COL23A1: variants seen among roughly 807,000 people sequenced by gnomAD.
COL23A1 encodes the protein collagen alpha-1(XXIII) chain.
Under a neutral mutation model 99.3 loss-of-function variants are expected in COL23A1, and 97 were observed. That is an observed-to-expected ratio of 0.98 (90% CI 0.83 to 1.16). The LOEUF is 1.16. Ranked by LOEUF, COL23A1 falls within the 50% of genes most tolerant of loss-of-function variation. COL23A1 has a pLI of 0.00. For synonymous variants in COL23A1, 320 were observed against 308.2 expected, an observed-to-expected ratio of 1.04 and a Z score of -0.40; for missense variants, 762 against 757.4, an observed-to-expected ratio of 1.01 and a Z score of -0.07.
At chr5:178,539,492 G>A (rs781683711) in intron 2 of COL23A1, among the ~76,000 whole-genome samples, 1 of 135,692 alleles carries the variant, frequency 7.4e-6, no homozygotes, top group Non-Finnish European at 1.5e-5. Context: ...GTTGCAGTGA[G>A]CTGAGATTGC....
intron 2 of COL23A1, among the ~76,000 whole-genome samples, chr5:178,427,333 G>A (rs1267458539): frequency 6.6e-6 from 1 of 152,182 alleles, no homozygotes; most frequent in East Asian, 1.9e-4. Context: ...ATGCAGAAGG[G>A]TACAGGCCCT....
chr5:178,246,595 C>T (rs1764709328), intron 22 of COL23A1, 142 bp from the exon 23 acceptor site: 9 of 787,366 alleles, frequency 1.1e-5, no homozygotes, highest in Non-Finnish European at 1.8e-5. Flanking sequence ...AGCTTACTCC[C>T]TGGTGAGGGT....
At chr5:178,459,359 T>TTTAC (rs2127895020) in intron 2 of COL23A1, among the ~76,000 whole-genome samples, 1 of 152,302 alleles carries the variant, frequency 6.6e-6, no homozygotes, top group Non-Finnish European at 1.5e-5. Flanking sequence ...AAACAAGATG[T>TTTAC]TTACATATGA....
chr5:178,372,910 CTTTCTTTCTCTTTTTCTTTCTTTTTTT>C (rs1379592670), intron 2 of COL23A1, among the ~76,000 whole-genome samples: 5 of 151,112 alleles, frequency 3.3e-5, no homozygotes, highest in East Asian at 3.9e-4. Context: ...TTTTCTTTTT[CTTTCTTTCTCTTTTTCTTTCTTTTTTT>C]TTTTTTTTTT....
At chr5:178,376,437 G>A (rs1483310466) in intron 2 of COL23A1, among the ~76,000 whole-genome samples, 1 of 152,220 alleles carries the variant, frequency 6.6e-6, no homozygotes, top group African/African-American at 2.4e-5. Flanking sequence ...AGCTGGGACA[G>A]GGAGTTGGGT....
chr5:178,562,071 G>A, intron 1 of COL23A1: 1 of 533,090 alleles, frequency 1.9e-6, no homozygotes, highest in Non-Finnish European at 3.6e-6. Flanking sequence ...GTGGGTTCGT[G>A]GTCTCGCTGA....
At chr5:178,371,549 G>A (rs17081159) in intron 2 of COL23A1, among the ~76,000 whole-genome samples, 14,670 of 152,200 alleles carry the variant, frequency 0.096, 810 homozygotes, top group South Asian at 0.17. Context: ...CACTGGACAC[G>A]CGGCGACGGG....
intron 2 of COL23A1, among the ~76,000 whole-genome samples, chr5:178,347,891 AAAAAAAC>A (rs771183295): frequency 0.021 from 940 of 45,186 alleles, 25 homozygotes; most frequent in African/African-American, 0.079. Flanking sequence ...AAAAAAAAAA[AAAAAAAC>A]CCAAAAAAAC....
chr5:178,444,664 T>C (rs1767061253), intron 2 of COL23A1, among the ~76,000 whole-genome samples: 2 of 152,116 alleles, frequency 1.3e-5, no homozygotes, highest in South Asian at 4.1e-4. Context: ...GGTGTGGTGG[T>C]GTACATCTGT....
intron 25 of COL23A1, among the ~76,000 whole-genome samples, chr5:178,242,870 C>T (rs1054528471): frequency 2.6e-5 from 4 of 152,284 alleles, no homozygotes; most frequent in African/African-American, 9.6e-5. Flanking sequence ...CACTAGGAAC[C>T]GGGCTGTTGG....
At chr5:178,517,623 A>G (rs1196568873) in intron 2 of COL23A1, among the ~76,000 whole-genome samples, 5 of 132,222 alleles carry the variant, frequency 3.8e-5, no homozygotes, top group African/African-American at 1.5e-4. Context: ...ATGCAGTGGC[A>G]TGATCTCAGC....
chr5:178,323,350 C>A (rs62389360), intron 2 of COL23A1, among the ~76,000 whole-genome samples: 1 of 152,022 alleles, frequency 6.6e-6, no homozygotes, highest in Non-Finnish European at 1.5e-5. Flanking sequence ...TCTCCCTGCT[C>A]TGATCCCCAG....
In COL23A1 at chr5:178,238,278, C is replaced by T. The variant is rs147499289; in HGVS notation, c.*420G>A. 1.8e-3 allele frequency: 293 copies of T among 163,170 alleles called. 1 individual carries two copies. Among genetic ancestry groups the T allele is most frequent in the Non-Finnish European group, 3.0e-3 (224 of 74,338 alleles). The allele number at this position is 163,170 out of a possible 1,614,324, so 10.1% of individuals were successfully genotyped here. A position where few individuals can be genotyped will look rare whatever the true frequency, so the allele number is the denominator to read the frequency against. ...TGATGAGGCCAGGAGCAACAGCAGC[C>T]GCTGTTCCACCCCTGGGTCTTCTTG... On this transcript the variant is annotated 3_prime_UTR_variant, in exon 29 of 29. Transcript: ENST00000390654.
At chr5:178,578,824 CTT>C (rs11343452) in intron 1 of COL23A1, among the ~76,000 whole-genome samples, 2 of 148,114 alleles carry the variant, frequency 1.4e-5, no homozygotes, top group Non-Finnish European at 3.0e-5. Flanking sequence ...TAAAAGCAGA[CTT>C]TTTTTTTTTG....
chr5:178,382,865 G>A (rs1763458155), intron 2 of COL23A1, among the ~76,000 whole-genome samples: 1 of 152,344 alleles, frequency 6.6e-6, no homozygotes, highest in South Asian at 2.1e-4. Context: ...CGTGACTCGG[G>A]GAGGCCTGGC....
In COL23A1 at chr5:178,309,390, T is replaced by G. The variant is rs1032085005; in HGVS notation, c.362-2471A>C. Among the ~76,000 whole-genome samples the G allele has an allele frequency of 6.6e-6, 1 of 152,004 alleles. No homozygotes were observed. Among genetic ancestry groups the G allele is most frequent in the Admixed American group, 6.5e-5 (1 of 15,280 alleles). ...GGGGTGTTGCTGAGCATACAGGGCC[T>G]GTGAGCCGCAGGCCAGGCAGGCTGG... On this transcript the variant is annotated intron_variant, in intron 2 of 28. Transcript: ENST00000390654. The surrounding 1 kb of genome is among the most constrained non-coding windows in gnomAD (Gnocchi z 4.7).
intron 2 of COL23A1, among the ~76,000 whole-genome samples, chr5:178,338,132 G>C (rs1760452404): frequency 6.6e-6 from 1 of 152,126 alleles, no homozygotes; most frequent in African/African-American, 2.4e-5. Context: ...CTGACTCCAG[G>C]GTCCATGCTG....
intron 1 of COL23A1, among the ~76,000 whole-genome samples, chr5:178,568,081 A>G (rs1762923050): frequency 6.6e-6 from 1 of 152,260 alleles, no homozygotes; most frequent in East Asian, 1.9e-4. Context: ...TGCCATGAAC[A>G]TGGCAATCCA....
At chr5:178,529,831 T>G (rs911501356) in intron 2 of COL23A1, among the ~76,000 whole-genome samples, 6 of 152,204 alleles carry the variant, frequency 3.9e-5, no homozygotes, top group African/African-American at 7.2e-5. Flanking sequence ...AAAGGGCCAG[T>G]AGAAGCGTGT....
Sources: allele counts gnomAD v4.1 joint callset (sites outside exome capture counted in the v4.1 genomes callset), GRCh38; gene constraint gnomAD v4.1.1; non-coding constraint Gnocchi (gnomAD v3.1); transcripts MANE v1.5; gene names NCBI Gene and HGNC (gene_info 2026-07-23, HGNC 2026-07-21).